Variants in MIR2052HG observed in about 807,000 individuals in gnomAD.
MIR2052HG encodes MIR2052 host gene.
chr8:74,712,668 C>T (rs1161917210), intron 4 of MIR2052HG, among the ~76,000 whole-genome samples: 1 of 150,510 alleles, frequency 6.6e-6, no homozygotes, highest in Non-Finnish European at 1.5e-5. Context: ...CAAAGGTTGG[C>T]CTCAGATTCA....
intron 2 of MIR2052HG, among the ~76,000 whole-genome samples, chr8:74,700,996 A>T (rs1284629623): frequency 2.0e-5 from 3 of 152,138 alleles, no homozygotes; most frequent in Non-Finnish European, 2.9e-5. Flanking sequence ...GCAGTAAGTG[A>T]TTTGTTTCTA....
chr8:74,652,711 T>C (rs1808765871), intron 2 of MIR2052HG, among the ~76,000 whole-genome samples: 1 of 152,172 alleles, frequency 6.6e-6, no homozygotes, highest in Non-Finnish European at 1.5e-5. Context: ...CACATATCTA[T>C]TTCTGAAAAG....
chr8:74,602,574 C>T (rs1021285759), intron 1 of MIR2052HG, among the ~76,000 whole-genome samples: 9 of 150,946 alleles, frequency 6.0e-5, no homozygotes, highest in East Asian at 5.9e-4. Context: ...TGCAGTGGCG[C>T]GATCTCGGCT....
chr8:74,632,769 A>G (rs1036772007), intron 2 of MIR2052HG, among the ~76,000 whole-genome samples: 4 of 152,162 alleles, frequency 2.6e-5, no homozygotes, highest in African/African-American at 9.7e-5. Flanking sequence ...AACTGGAAGA[A>G]ATATTATACA....
chr8:74,627,089 C>G (rs985344351), intron 2 of MIR2052HG, among the ~76,000 whole-genome samples: 4 of 152,212 alleles, frequency 2.6e-5, no homozygotes, highest in African/African-American at 9.7e-5. Flanking sequence ...CAGTCTCCAA[C>G]ACATATTCAC....
At chr8:74,732,008 A>AT (rs1809697142) in intron 4 of MIR2052HG, among the ~76,000 whole-genome samples, 1 of 152,158 alleles carries the variant, frequency 6.6e-6, no homozygotes, top group Admixed American at 6.6e-5. Flanking sequence ...AGTAGTTACA[A>AT]TTTTTTTAAA....
intron 2 of MIR2052HG, among the ~76,000 whole-genome samples, chr8:74,664,975 A>G (rs1808906581): frequency 6.6e-6 from 1 of 152,172 alleles, no homozygotes; most frequent in African/African-American, 2.4e-5. Context: ...TGGTTTTCTC[A>G]AGAAATCAAA....
chr8:74,746,270 T>G (rs531410081), intron 4 of MIR2052HG, among the ~76,000 whole-genome samples: 1 of 152,322 alleles, frequency 6.6e-6, no homozygotes, highest in South Asian at 2.1e-4. Flanking sequence ...GAGATGTGCA[T>G]AGTCTCTAAT....
intron 2 of MIR2052HG, among the ~76,000 whole-genome samples, chr8:74,686,588 G>A (rs1428573124): frequency 2.0e-5 from 3 of 152,018 alleles, no homozygotes; most frequent in African/African-American, 7.2e-5. Context: ...TACTAGTTGT[G>A]TCACCTTGGG....
intron 4 of MIR2052HG, among the ~76,000 whole-genome samples, chr8:74,716,346 G>C (rs1356528945): frequency 2.0e-5 from 3 of 152,180 alleles, no homozygotes; most frequent in Non-Finnish European, 2.9e-5. Flanking sequence ...AAGTTGGCTT[G>C]AAAGCAAGCT....
At chr8:74,655,411 G>A (rs1283318735) in intron 2 of MIR2052HG, among the ~76,000 whole-genome samples, 1 of 152,118 alleles carries the variant, frequency 6.6e-6, no homozygotes, top group Non-Finnish European at 1.5e-5. Flanking sequence ...TTGGGGACCT[G>A]GCCCAGGGTC....
chr8:74,681,528 C>T (rs565700763), intron 2 of MIR2052HG, among the ~76,000 whole-genome samples: 1 of 152,160 alleles, frequency 6.6e-6, no homozygotes, highest in Admixed American at 6.5e-5. Flanking sequence ...CTGCAAAACT[C>T]GTGTTGAAAT....
At chr8:74,752,188 G>T (rs1183217052) in intron 4 of MIR2052HG, among the ~76,000 whole-genome samples, 1 of 151,128 alleles carries the variant, frequency 6.6e-6, no homozygotes, top group African/African-American at 2.4e-5. Flanking sequence ...GGGCTGAGAT[G>T]GGAGGATTTC....
At position 74,607,922 on chromosome 8, in the gene MIR2052HG, G is replaced by A. The variant is rs1483363402; in HGVS notation, n.129-4931G>A. On this transcript the variant is annotated intron_variant and non_coding_transcript_variant, in intron 1 of 6. Transcript: ENST00000523442. ...TTATGAATGGCACACAAGGGAGAAA[G>A]CAAGCAGGTGTGGGAGGTGTCTACA... Among the ~76,000 whole-genome samples the A allele has an allele frequency of 7.2e-5, 11 of 152,312 alleles. No individual in the cohort carries two copies. In the East Asian group the frequency reaches 1.7e-3, roughly 24 times the overall value.
chr8:74,735,002 C>G (rs1809731710), intron 4 of MIR2052HG, among the ~76,000 whole-genome samples: 1 of 152,140 alleles, frequency 6.6e-6, no homozygotes, highest in South Asian at 2.1e-4. Context: ...TAAAGAGGAC[C>G]ATAAAGCCAT....
intron 2 of MIR2052HG, among the ~76,000 whole-genome samples, chr8:74,616,151 T>A (rs916821074): frequency 2.6e-5 from 4 of 152,026 alleles, no homozygotes; most frequent in African/African-American, 9.7e-5. Context: ...CTGGGTCAAA[T>A]GGTATTTCTA....
chr8:74,645,358 T>C (rs1407116061), intron 2 of MIR2052HG, among the ~76,000 whole-genome samples: 1 of 151,964 alleles, frequency 6.6e-6, no homozygotes, highest in East Asian at 1.9e-4. Context: ...CGATCTTGGC[T>C]CACCACAACC....
intron 2 of MIR2052HG, among the ~76,000 whole-genome samples, chr8:74,684,181 G>A (rs187333259): frequency 4.6e-5 from 7 of 152,170 alleles, no homozygotes; most frequent in African/African-American, 1.7e-4. Flanking sequence ...CTGTGTAAAA[G>A]CATTCAAACT....
intron 4 of MIR2052HG, among the ~76,000 whole-genome samples, chr8:74,727,845 A>G (rs1283498288): frequency 2.0e-5 from 3 of 152,078 alleles, no homozygotes; most frequent in East Asian, 3.8e-4. Context: ...TGGCTTTTCT[A>G]TGTGGTTTTA....
Sources: allele counts gnomAD v4.1 joint callset (sites outside exome capture counted in the v4.1 genomes callset), GRCh38; gene constraint gnomAD v4.1.1; transcripts MANE v1.5; gene names NCBI Gene and HGNC (gene_info 2026-07-23, HGNC 2026-07-21).